EPHA7: variants seen among roughly 807,000 people sequenced by gnomAD.
EPHA7 encodes EPH receptor A7.
EPHA7 carries 25 observed loss-of-function variants against 112.6 expected under a neutral mutation model. That is an observed-to-expected ratio of 0.22 (90% confidence interval 0.16 to 0.31). EPHA7 has a LOEUF of 0.31. Among genes scored for constraint, EPHA7 ranks in the 10% least tolerant of loss-of-function variants. EPHA7 has a pLI of 1.00. For missense variants in EPHA7, 962 were observed against 1,212.6 expected (o/e 0.79, Z 3.07); for synonymous variants, 437 against 406.5 (o/e 1.07, Z -0.90).
chr6:93,368,808 T>C (rs1463298340), intron 3 of EPHA7, among the ~76,000 whole-genome samples: 3 of 152,306 alleles, frequency 2.0e-5, no homozygotes, highest in Admixed American at 2.0e-4. Context: ...GCAATCGTTC[T>C]AGCTGTTTGG....
chr6:93,411,147 A>G lies in EPHA7; in HGVS notation c.186T>C (p.Asp62=), dbSNP rs1778957682. 1.2e-6 allele frequency: 2 copies of G among 1,609,172 alleles called. No homozygotes were observed. The highest frequency in any genetic ancestry group is 1.7e-6 in the Non-Finnish European group (2 of 1,177,416). The change falls in exon 3 of 17, where the codon GAT becomes GAC. Residue 62 remains aspartate (D), a synonymous_variant. Coordinates refer to ENST00000369303, the MANE Select transcript of EPHA7 (RefSeq NM_004440.4). ...ATGTTCGTATCGGGGTATAGTTCTCATCCAAACCACTAATTTCTTCCCACT... is the reference window on the plus strand; with the variant it reads ...ATGTTCGTATCGGGGTATAGTTCTCGTCCAAACCACTAATTTCTTCCCACT... ...PNGWEEISGL[D]ENYTPIRTYQ... is the part of the protein sequence containing the mutation.
At chr6:93,412,258 C>T (rs1169684564) in intron 2 of EPHA7, among the ~76,000 whole-genome samples, 1 of 151,862 alleles carries the variant, frequency 6.6e-6, no homozygotes, top group Non-Finnish European at 1.5e-5. Flanking sequence ...TCCAAAGTTG[C>T]ATAGCATGCA....
At chr6:93,245,129 G>C (rs138261837) in intron 16 of EPHA7, among the ~76,000 whole-genome samples, 169 bp downstream of exon 16, 1 of 152,170 alleles carries the variant, frequency 6.6e-6, no homozygotes, top group Non-Finnish European at 1.5e-5. Flanking sequence ...ATGTTTAAAG[G>C]TCTATTTAGT....
chr6:93,415,255 C>T (rs1349298436), intron 1 of EPHA7, among the ~76,000 whole-genome samples: 1 of 152,028 alleles, frequency 6.6e-6, no homozygotes. Context: ...TTTCCACATA[C>T]AGTGTCGTTA....
intron 3 of EPHA7, among the ~76,000 whole-genome samples, chr6:93,386,681 C>T (rs575889536): frequency 3.3e-5 from 5 of 150,472 alleles, no homozygotes; most frequent in East Asian, 1.9e-4. Context: ...AGGTTCTCCA[C>T]GAGGGCTCCA....
Position 93,358,275 on chromosome 6 carries a change from T to C in EPHA7, c.969A>G (p.Pro323=). The change falls in exon 4 of 17, where the codon CCA becomes CCG. Residue 323 remains proline (P), a synonymous_variant. Coordinates refer to ENST00000369303, the MANE Select transcript of EPHA7 (RefSeq NM_004440.4). The stretch of plus-strand genomic sequence containing the variant: ...ACTCACTTGTGCACGCAACGTATGG[T>C]GGGTCAGATGGAGCCCTGTAATACC... ...EDGYYRAPSD[P]PYVACTRPPS... The C allele has an allele frequency of 1.2e-6, 2 of 1,611,356 alleles. No homozygotes were observed. The highest frequency in any genetic ancestry group is 1.7e-6 in the Non-Finnish European group (2 of 1,178,626).
chr6:93,337,824 C>T (rs1774949349), intron 5 of EPHA7, among the ~76,000 whole-genome samples: 1 of 152,034 alleles, frequency 6.6e-6, no homozygotes, highest in South Asian at 2.1e-4. Context: ...ACAGCTTGCT[C>T]TTTGTTCACC....
At chr6:93,380,451 T>C (rs925973584) in intron 3 of EPHA7, among the ~76,000 whole-genome samples, 1 of 152,108 alleles carries the variant, frequency 6.6e-6, no homozygotes, top group African/African-American at 2.4e-5. Flanking sequence ...TTTTTTAAGA[T>C]GTCCGGAGAA....
intron 6 of EPHA7, among the ~76,000 whole-genome samples, chr6:93,270,546 T>C: frequency 6.6e-6 from 1 of 151,690 alleles, no homozygotes; most frequent in East Asian, 1.9e-4. Flanking sequence ...TTATACTTCA[T>C]AATATACAAT....
At chr6:93,380,540 AG>A (rs1777286501) in intron 3 of EPHA7, among the ~76,000 whole-genome samples, 1 of 152,142 alleles carries the variant, frequency 6.6e-6, no homozygotes, top group Non-Finnish European at 1.5e-5. Context: ...TGAGAATATC[AG>A]TTTTTACACA....
At chr6:93,323,031 A>C (rs164304) in intron 5 of EPHA7, among the ~76,000 whole-genome samples, 57,432 of 150,532 alleles carry the variant, frequency 0.38, 11,726 homozygotes, top group African/African-American at 0.55. Context: ...AAGGGGAAAC[A>C]AAAAAAAGAT....
At chr6:93,370,911 C>T (rs762792566) in intron 3 of EPHA7, among the ~76,000 whole-genome samples, 1 of 150,524 alleles carries the variant, frequency 6.6e-6, no homozygotes, top group South Asian at 2.1e-4. Context: ...TTTGGGAAGC[C>T]GAGGCAGGTG....
intron 3 of EPHA7, among the ~76,000 whole-genome samples, chr6:93,400,897 T>G (rs1006593531): frequency 6.6e-6 from 1 of 152,140 alleles, no homozygotes. Flanking sequence ...TTTGAATCAT[T>G]CAACTTAAAA....
chr6:93,251,759 T>C (rs1200578652), intron 14 of EPHA7, among the ~76,000 whole-genome samples: 1 of 152,000 alleles, frequency 6.6e-6, no homozygotes, highest in Non-Finnish European at 1.5e-5. Flanking sequence ...TTCCACAATA[T>C]TTCTTATATT....
intron 3 of EPHA7, among the ~76,000 whole-genome samples, chr6:93,364,865 C>T (rs1776432136): frequency 6.6e-6 from 1 of 152,026 alleles, no homozygotes; most frequent in Non-Finnish European, 1.5e-5. Flanking sequence ...TAAATAATAG[C>T]TTATCTTTTA....
chr6:93,254,428 T>G (rs2127854783), intron 14 of EPHA7, among the ~76,000 whole-genome samples: 1 of 152,224 alleles, frequency 6.6e-6, no homozygotes, highest in Non-Finnish European at 1.5e-5. Flanking sequence ...TCCATAGAAT[T>G]TATATTATAA....
chr6:93,277,939 T>C (rs569632439), intron 5 of EPHA7, among the ~76,000 whole-genome samples: 1 of 152,048 alleles, frequency 6.6e-6, no homozygotes, highest in South Asian at 2.1e-4. Flanking sequence ...GTGAGTTAAA[T>C]CAATATATCT....
chr6:93,246,210 C>A (rs1421629867), intron 15 of EPHA7, among the ~76,000 whole-genome samples: 9 of 151,978 alleles, frequency 5.9e-5, no homozygotes, highest in African/African-American at 7.3e-5. Flanking sequence ...CGCCACCACG[C>A]CCAGCTAATT....
At position 93,251,634 on chromosome 6, in the gene EPHA7, T is replaced by C. The variant is rs184732023; in HGVS notation, c.2532+3013A>G. Among the ~76,000 whole-genome samples, 16 of 151,902 alleles carry C rather than the reference T, an allele frequency of 1.1e-4. No homozygotes were observed. In the East Asian group the frequency reaches 1.2e-3, roughly 11 times the overall value. On this transcript the variant is annotated intron_variant, in intron 14 of 16. Coordinates refer to ENST00000369303, the MANE Select transcript of EPHA7 (RefSeq NM_004440.4). Reference sequence around the variant, plus strand: ...ACTGCTAGAAGAAAAAAAATCTATATAGTAAAAAACTTCAAAATTTCATAA... The same window carrying C: ...ACTGCTAGAAGAAAAAAAATCTATACAGTAAAAAACTTCAAAATTTCATAA...
Sources: allele counts gnomAD v4.1 joint callset (sites outside exome capture counted in the v4.1 genomes callset), GRCh38; gene constraint gnomAD v4.1.1; transcripts MANE v1.5; gene names NCBI Gene and HGNC (gene_info 2026-07-23, HGNC 2026-07-21).